FSTL5: variants seen among roughly 807,000 people sequenced by gnomAD.
FSTL5 encodes the protein follistatin like 5.
In FSTL5, 62 loss-of-function variants were observed where a neutral mutation model predicts 89.1. That is an observed-to-expected ratio of 0.70 (90% CI 0.57 to 0.86). The LOEUF (loss-of-function observed/expected upper bound fraction) is 0.86, where lower values mean the gene tolerates loss of function less well. Ranked by LOEUF, FSTL5 falls within the 40% of genes least tolerant of loss-of-function variation. The pLI is 0.00. For synonymous variants in FSTL5, 383 were observed against 346.2 expected (o/e 1.11, Z -1.18); for missense variants, 1,057 against 1,001.6 (o/e 1.06, Z -0.75).
chr4:161,715,307 TA>T (rs972825612), intron 6 of FSTL5, among the ~76,000 whole-genome samples: 1 of 152,182 alleles, frequency 6.6e-6, no homozygotes, highest in Non-Finnish European at 1.5e-5. Flanking sequence ...AAAAGGCAAT[TA>T]CCCATAGTTC....
chr4:161,775,198 G>C (rs2126803511), intron 5 of FSTL5, among the ~76,000 whole-genome samples: 1 of 152,056 alleles, frequency 6.6e-6, no homozygotes, highest in Admixed American at 6.6e-5. Context: ...CACTGTTAAG[G>C]GTAGGAGCAA....
At chr4:161,831,185 T>C (rs1424910605) in intron 4 of FSTL5, among the ~76,000 whole-genome samples, 1 of 152,006 alleles carries the variant, frequency 6.6e-6, no homozygotes, top group Non-Finnish European at 1.5e-5. Context: ...CATTTTATCA[T>C]GTATATATAT....
intron 1 of FSTL5, among the ~76,000 whole-genome samples, chr4:162,116,963 C>A (rs566468265): frequency 1.2e-4 from 19 of 152,284 alleles, no homozygotes; most frequent in African/African-American, 4.1e-4. Context: ...TGTGACTTCA[C>A]CTCACACTGT....
intron 4 of FSTL5, among the ~76,000 whole-genome samples, chr4:161,876,621 T>TG (rs1284547725): frequency 6.6e-6 from 1 of 152,104 alleles, no homozygotes; most frequent in Non-Finnish European, 1.5e-5. Flanking sequence ...ATGCCTATAG[T>TG]GCCAGATACG....
At chr4:162,043,465 C>G (rs1738050225) in intron 2 of FSTL5, among the ~76,000 whole-genome samples, 1 of 152,114 alleles carries the variant, frequency 6.6e-6, no homozygotes, top group Non-Finnish European at 1.5e-5. Flanking sequence ...ATCATATCAG[C>G]CTTCAGTGAG....
At chr4:161,726,434 G>C (rs1305849414) in intron 6 of FSTL5, among the ~76,000 whole-genome samples, 1 of 151,694 alleles carries the variant, frequency 6.6e-6, no homozygotes, top group Non-Finnish European at 1.5e-5. Context: ...CACCATATTG[G>C]TCAGGCTGGT....
chr4:161,621,825 TACAAAAAAA>T (rs1735137530), intron 7 of FSTL5, among the ~76,000 whole-genome samples: 1 of 31,796 alleles, frequency 3.1e-5, no homozygotes, highest in African/African-American at 1.4e-4. Context: ...CTTCTAAAAA[TACAAAAAAA>T]AAAAAAAAAA....
intron 1 of FSTL5, among the ~76,000 whole-genome samples, chr4:162,132,806 G>A (rs1031340508): frequency 6.6e-6 from 1 of 152,204 alleles, no homozygotes; most frequent in African/African-American, 2.4e-5. Context: ...TAGAGGAGGA[G>A]GTTGGCTCCC....
At chr4:161,868,034 C>T (rs2126897113) in intron 4 of FSTL5, among the ~76,000 whole-genome samples, 1 of 152,008 alleles carries the variant, frequency 6.6e-6, no homozygotes, top group East Asian at 1.9e-4. Context: ...ATGCTCTCAA[C>T]CACATTATAT....
chr4:161,863,332 T>C (rs1731976599), intron 4 of FSTL5, among the ~76,000 whole-genome samples: 1 of 152,196 alleles, frequency 6.6e-6, no homozygotes, highest in African/African-American at 2.4e-5. Flanking sequence ...CAGTAAAATA[T>C]TCATTTTGTT....
At chr4:161,938,190 A>G (rs1425848408) in intron 3 of FSTL5, among the ~76,000 whole-genome samples, 1 of 152,082 alleles carries the variant, frequency 6.6e-6, no homozygotes, top group African/African-American at 2.4e-5. Flanking sequence ...TAGTTTAAAT[A>G]TTTGTTTACT....
intron 4 of FSTL5, among the ~76,000 whole-genome samples, chr4:161,832,709 G>T (rs1404706021): frequency 6.6e-6 from 1 of 152,066 alleles, no homozygotes; most frequent in East Asian, 1.9e-4. Flanking sequence ...TTGTATTTCT[G>T]TGGGATCGGT....
At chr4:161,544,100 T>C (rs1033688000) in intron 8 of FSTL5, among the ~76,000 whole-genome samples, 2 of 151,886 alleles carry the variant, frequency 1.3e-5, no homozygotes, top group Non-Finnish European at 2.9e-5. Flanking sequence ...ATTGAAGATG[T>C]ATAAATGGCT....
At chr4:161,939,969 C>T (rs1734533243) in intron 3 of FSTL5, among the ~76,000 whole-genome samples, 1 of 151,740 alleles carries the variant, frequency 6.6e-6, no homozygotes, top group Non-Finnish European at 1.5e-5. Flanking sequence ...GGTAGAAAAA[C>T]TTTGCTACAT....
intron 15 of FSTL5, among the ~76,000 whole-genome samples, chr4:161,427,089 A>G (rs990580095): frequency 5.3e-5 from 8 of 152,222 alleles, no homozygotes; most frequent in Admixed American, 4.6e-4. Context: ...TATATTAGAC[A>G]CTAATGTTTC....
intron 15 of FSTL5, among the ~76,000 whole-genome samples, chr4:161,393,546 A>G (rs983337519): frequency 3.3e-5 from 5 of 152,018 alleles, no homozygotes; most frequent in African/African-American, 1.2e-4. Flanking sequence ...AGTAAATTAC[A>G]TTTTTGTTAT....
intron 2 of FSTL5, among the ~76,000 whole-genome samples, chr4:162,089,753 C>A (rs2111354033): frequency 6.6e-6 from 1 of 151,206 alleles, no homozygotes; most frequent in East Asian, 1.9e-4. Flanking sequence ...ACAATTTGAA[C>A]TCCAGATTAC....
chr4:162,134,590 G>A (rs955595832), intron 1 of FSTL5, among the ~76,000 whole-genome samples: 1 of 152,154 alleles, frequency 6.6e-6, no homozygotes, highest in Non-Finnish European at 1.5e-5. Context: ...ACCATTGGAA[G>A]AAAAATTAAC....
chr4:161,795,585 A>G (rs1729609319), intron 4 of FSTL5, among the ~76,000 whole-genome samples: 1 of 152,122 alleles, frequency 6.6e-6, no homozygotes, highest in South Asian at 2.1e-4. Flanking sequence ...ACTATAGCGA[A>G]GCAAACAAAC....
Sources: allele counts gnomAD v4.1 joint callset (sites outside exome capture counted in the v4.1 genomes callset), GRCh38; gene constraint gnomAD v4.1.1; transcripts MANE v1.5; gene names NCBI Gene and HGNC (gene_info 2026-07-23, HGNC 2026-07-21).